PARP8: variants seen among roughly 807,000 people sequenced by gnomAD.
The protein encoded by PARP8 is poly(ADP-ribose) polymerase family member 8.
PARP8 carries 51 observed loss-of-function variants against 124.1 expected under a neutral mutation model. The ratio of observed to expected loss-of-function variants is 0.41; its 90% CI spans 0.33 to 0.52. The LOEUF (loss-of-function observed/expected upper bound fraction) is 0.52, where lower values mean the gene tolerates loss of function less well. Ranked by LOEUF, PARP8 falls within the 20% of genes least tolerant of loss-of-function variation. The pLI, the probability that PARP8 is intolerant of heterozygous loss-of-function variation, is 0.21. For missense variants in PARP8, 860 were observed against 1,018.9 expected (o/e 0.84, Z 2.12); for synonymous variants, 391 against 361.5 (o/e 1.08, Z -0.93).
intron 2 of PARP8, among the ~76,000 whole-genome samples, chr5:50,707,627 CAGAGAGAGAGAGAGAG>C (rs34400961): frequency 4.8e-4 from 70 of 145,216 alleles, no homozygotes; most frequent in Non-Finnish European, 7.1e-4. Flanking sequence ...ATAGGGGAGA[CAGAGAGAGAGAGAGAG>C]AGAGAGAGAG....
Position 50,795,258 on chromosome 5 carries a change from G to C in PARP8, c.1269G>C (p.Leu423=). 2 of 1,614,150 alleles carry C rather than the reference G, an allele frequency of 1.2e-6. No individual in the cohort carries two copies. Among genetic ancestry groups the C allele is most frequent in the Non-Finnish European group, 1.7e-6 (2 of 1,180,020 alleles). The change falls in exon 12 of 26, where the codon CTG becomes CTC. Residue 423 remains leucine, a synonymous_variant. Transcript: ENST00000281631. ...SNLRMEELYG[L]KNHKLLSKSY... ...TCAGAATGGAAGAATTATATGGACT[G>C]AAAAATCACAAATTGCTCAGCAAGT...
intron 2 of PARP8, among the ~76,000 whole-genome samples, chr5:50,673,866 A>G (rs941322608): frequency 3.3e-5 from 5 of 152,246 alleles, no homozygotes; most frequent in African/African-American, 1.2e-4. Flanking sequence ...AAAAAGACAT[A>G]TAGCTGAAAT....
In PARP8 at chr5:50,676,826, AC is replaced by A. The variant is rs1750693032; in HGVS notation, c.146+8702del. Among the ~76,000 whole-genome samples, 2 of 152,212 alleles carry A rather than the reference AC, an allele frequency of 1.3e-5. 1 individual carries two copies. The highest frequency in any genetic ancestry group is 4.1e-4 in the South Asian group (2 of 4,834). ...TAAAATCATTTCTCAGACTTTTTCC[AC>A]ATTAGTCGGGAAGCAAACCCCTTTT... On this transcript the variant is annotated intron_variant, in intron 2 of 25. Transcript: ENST00000281631.
chr5:50,831,215 AG>A (rs1382879698), intron 22 of PARP8, among the ~76,000 whole-genome samples: 3 of 152,236 alleles, frequency 2.0e-5, no homozygotes, highest in African/African-American at 7.2e-5. Context: ...TAATTATTCA[AG>A]TAACTATTGC....
At chr5:50,829,180 A>G (rs1347402889) in intron 21 of PARP8, among the ~76,000 whole-genome samples, 3 of 152,182 alleles carry the variant, frequency 2.0e-5, no homozygotes, top group Non-Finnish European at 4.4e-5. Flanking sequence ...CATGGCAGTC[A>G]TCTTCATCTT....
chr5:50,759,882 C>T, intron 4 of PARP8, 150 bp downstream of exon 4: 5 of 1,002,398 alleles, frequency 5.0e-6, no homozygotes, highest in Non-Finnish European at 6.7e-6. Flanking sequence ...ATCTAAAGTA[C>T]ATTTTTTAAC....
At chr5:50,711,782 T>C (rs1212015668) in intron 2 of PARP8, among the ~76,000 whole-genome samples, 3 of 152,144 alleles carry the variant, frequency 2.0e-5, no homozygotes, top group Non-Finnish European at 4.4e-5. Flanking sequence ...TATAGGTTTT[T>C]GACAGTTGCA....
intron 2 of PARP8, among the ~76,000 whole-genome samples, chr5:50,704,789 G>A (rs1363043885): frequency 6.6e-6 from 1 of 152,118 alleles, no homozygotes; most frequent in Non-Finnish European, 1.5e-5. Flanking sequence ...ATTTAAAATT[G>A]CCAACGTAGC....
intron 2 of PARP8, among the ~76,000 whole-genome samples, chr5:50,730,254 C>T (rs750116930): frequency 8.6e-5 from 13 of 152,018 alleles, no homozygotes; most frequent in Non-Finnish European, 1.5e-4. Flanking sequence ...TGTATTAGTC[C>T]GTTTTCATGC....
intron 2 of PARP8, among the ~76,000 whole-genome samples, chr5:50,733,971 T>TG (rs1757243377): frequency 6.6e-6 from 1 of 152,204 alleles, no homozygotes; most frequent in Non-Finnish European, 1.5e-5. Context: ...TTTCCTTATT[T>TG]TCTTCATACC....
chr5:50,720,605 T>TA (rs1328111134), intron 2 of PARP8, among the ~76,000 whole-genome samples: 43 of 152,178 alleles, frequency 2.8e-4, no homozygotes, highest in African/African-American at 7.9e-4. Flanking sequence ...CAGAACTTAA[T>TA]TATATCATAA....
chr5:50,762,678 A>G (rs915095252), intron 6 of PARP8, among the ~76,000 whole-genome samples: 4 of 152,222 alleles, frequency 2.6e-5, no homozygotes, highest in Non-Finnish European at 5.9e-5. Flanking sequence ...GCAAGGCTAC[A>G]GAGAGATGGA....
Position 50,666,872 on chromosome 5 carries a change from G to T in PARP8, c.-224G>T. 1 of 1,389,448 alleles carries T rather than the reference G, an allele frequency of 7.2e-7. No homozygotes were observed. Among genetic ancestry groups the T allele is most frequent in the Non-Finnish European group, 9.3e-7 (1 of 1,073,598 alleles). The allele number at this position is 1,389,448 out of a possible 1,614,324, so 86.1% of individuals were successfully genotyped here. A position where few individuals can be genotyped will look rare whatever the true frequency, so the allele number is the denominator to read the frequency against. On this transcript the variant is annotated 5_prime_UTR_variant, in exon 1 of 26. Transcript: ENST00000281631. ...CAGCAGCGGCGAGCAGCAGCTGGGC[G>T]GTCACATCTGGGAATGCAAAGCCGA...
At chr5:50,765,727 A>G (rs1760991952) in intron 7 of PARP8, among the ~76,000 whole-genome samples, 1 of 152,228 alleles carries the variant, frequency 6.6e-6, no homozygotes, top group South Asian at 2.1e-4. Context: ...AAGGTGAATC[A>G]CAGCAGGACT....
At chr5:50,725,259 T>C (rs1293621039) in intron 2 of PARP8, among the ~76,000 whole-genome samples, 1 of 152,072 alleles carries the variant, frequency 6.6e-6, no homozygotes, top group Non-Finnish European at 1.5e-5. Context: ...ATTTAACATT[T>C]GTATTGTTTT....
At position 50,827,993 on chromosome 5, in the gene PARP8, C is replaced by T; in HGVS notation, c.2027C>T (p.Pro676Leu). ...TPHQFLLLSS[P>L]PAKESNFRAA... ...CATCAGTTCCTTCTTCTCAGCAGTC[C>T]ACCAGCCAAAGAATCCAATTTTAGA... The change falls in exon 20 of 26, where the codon CCA (proline) becomes CTA (leucine). Residue 676 changes from proline to leucine, a missense_variant. This residue lies in a region of PARP8 where 343 missense variants were observed against 474.7 expected (regional missense o/e 0.72). Transcript: ENST00000281631. 1 of 1,613,784 alleles carries T rather than the reference C, an allele frequency of 6.2e-7. No homozygotes were observed. Among genetic ancestry groups the T allele is most frequent in the Non-Finnish European group, 8.5e-7 (1 of 1,179,804 alleles).
chr5:50,673,505 T>C (rs1331248691), intron 2 of PARP8, among the ~76,000 whole-genome samples: 1 of 152,228 alleles, frequency 6.6e-6, no homozygotes, highest in Non-Finnish European at 1.5e-5. Context: ...TTTTGTCAGC[T>C]GTTTTACGTT....
chr5:50,836,611 G>A (rs1747613482), intron 25 of PARP8, among the ~76,000 whole-genome samples: 1 of 152,088 alleles, frequency 6.6e-6, no homozygotes, highest in East Asian at 1.9e-4. Context: ...CAGGCTCCTG[G>A]GGCAGAACGA....
intron 25 of PARP8, among the ~76,000 whole-genome samples, chr5:50,839,666 TTC>T (rs34544570): frequency 0.058 from 8,536 of 147,398 alleles, 297 homozygotes; most frequent in Middle Eastern, 0.11. Context: ...CTCTCTTTCT[TTC>T]TCTCTCTCTC....
Sources: allele counts gnomAD v4.1 joint callset (sites outside exome capture counted in the v4.1 genomes callset), GRCh38; gene constraint gnomAD v4.1.1; regional missense constraint gnomAD v4.1.1; transcripts MANE v1.5; gene names NCBI Gene and HGNC (gene_info 2026-07-23, HGNC 2026-07-21).